The following THSD7B variants were observed in gnomAD, a reference collection of about 807,000 sequenced individuals.
THSD7B encodes the protein thrombospondin type-1 domain-containing protein 7B.
A neutral mutation model predicts 213.6 loss-of-function variants in THSD7B; 138 were observed. The observed-to-expected ratio is 0.65, with a 90% CI of 0.56 to 0.74. The LOEUF (loss-of-function observed/expected upper bound fraction) is 0.74, where lower values mean the gene tolerates loss of function less well. THSD7B is among the 30% of genes least tolerant of loss of function. The pLI is 0.00. For synonymous variants in THSD7B, 742 were observed against 687.0 expected (o/e 1.08, Z -1.25); for missense variants, 1,931 against 1,991.5 (o/e 0.97, Z 0.58).
At chr2:137,113,608 G>A (rs1378313697) in intron 4 of THSD7B, among the ~76,000 whole-genome samples, 1 of 151,914 alleles carries the variant, frequency 6.6e-6, no homozygotes, top group East Asian at 1.9e-4. Context: ...GGCTAATTTG[G>A]GATTTTTAGT....
intron 17 of THSD7B, among the ~76,000 whole-genome samples, chr2:137,607,449 T>C (rs939892765): frequency 2.6e-5 from 4 of 152,200 alleles, no homozygotes; most frequent in African/African-American, 9.7e-5. Flanking sequence ...TACAGGGATA[T>C]TTTCTAGCAT....
At chr2:137,191,282 T>A (rs181894975) in intron 7 of THSD7B, among the ~76,000 whole-genome samples, 81 of 152,362 alleles carry the variant, frequency 5.3e-4, no homozygotes, top group African/African-American at 1.9e-3. Context: ...CTCTCCATGT[T>A]AGTTTGCTAC....
intron 5 of THSD7B, among the ~76,000 whole-genome samples, chr2:137,134,869 G>A (rs528820256): frequency 1.3e-5 from 2 of 152,090 alleles, no homozygotes; most frequent in South Asian, 2.1e-4. Flanking sequence ...GTAACAATGA[G>A]AGTTTGAGAG....
intron 15 of THSD7B, among the ~76,000 whole-genome samples, chr2:137,457,023 G>A (rs1454751244): frequency 6.6e-6 from 1 of 152,110 alleles, no homozygotes; most frequent in Non-Finnish European, 1.5e-5. Flanking sequence ...TAGAGGAGAG[G>A]CAATTTTTCT....
chr2:137,092,042 C>T (rs1417504651), intron 3 of THSD7B, among the ~76,000 whole-genome samples: 1 of 152,108 alleles, frequency 6.6e-6, no homozygotes. Flanking sequence ...CCAAAATTGT[C>T]ACATTGAATT....
At chr2:137,543,219 A>G (rs187897929) in intron 15 of THSD7B, among the ~76,000 whole-genome samples, 190 of 151,950 alleles carry the variant, frequency 1.3e-3, no homozygotes, top group Non-Finnish European at 2.0e-3. Flanking sequence ...CTAAAATAAT[A>G]TAGGACAATC....
intron 25 of THSD7B, among the ~76,000 whole-genome samples, chr2:137,662,911 C>T (rs1280896833): frequency 1.3e-5 from 2 of 151,644 alleles, no homozygotes; most frequent in Non-Finnish European, 2.9e-5. Flanking sequence ...AAAAAAAAGA[C>T]AAAATTAGCC....
At chr2:137,517,019 A>G (rs1220949453) in intron 15 of THSD7B, among the ~76,000 whole-genome samples, 1 of 152,198 alleles carries the variant, frequency 6.6e-6, no homozygotes, top group Non-Finnish European at 1.5e-5. Flanking sequence ...GGTGACTCCA[A>G]TTGCAGCTGC....
chr2:136,835,683 C>T (rs1246716505), intron 1 of THSD7B, among the ~76,000 whole-genome samples: 1 of 152,062 alleles, frequency 6.6e-6, no homozygotes, highest in Non-Finnish European at 1.5e-5. Flanking sequence ...TAAAGAATAC[C>T]TAAAATAACT....
intron 12 of THSD7B, among the ~76,000 whole-genome samples, chr2:137,364,252 A>G (rs1453461836): frequency 2.6e-5 from 4 of 152,240 alleles, no homozygotes; most frequent in South Asian, 2.1e-4. Context: ...TCTCAAAATA[A>G]TAAGAGCTAT....
At chr2:137,089,880 A>T (rs1046319498) in intron 3 of THSD7B, among the ~76,000 whole-genome samples, 1 of 151,870 alleles carries the variant, frequency 6.6e-6, no homozygotes, top group East Asian at 1.9e-4. Context: ...GTGGTGGTGC[A>T]CCTGTAGTCC....
intron 12 of THSD7B, among the ~76,000 whole-genome samples, chr2:137,372,231 GGCAAGGAGTTTCA>G (rs1449456265): frequency 7.3e-5 from 11 of 151,184 alleles, no homozygotes; most frequent in Non-Finnish European, 1.5e-5. Context: ...TAGGGAAGAT[GGCAAGGAGTTTCA>G]GCATTCAGCA....
chr2:137,558,026 T>C (rs1297345512), intron 15 of THSD7B, among the ~76,000 whole-genome samples: 2 of 151,994 alleles, frequency 1.3e-5, no homozygotes, highest in Non-Finnish European at 2.9e-5. Flanking sequence ...GAAGTTGAAT[T>C]CCTCAATAGA....
intron 7 of THSD7B, among the ~76,000 whole-genome samples, chr2:137,195,661 AATAG>A (rs1292875296): frequency 6.6e-6 from 1 of 152,184 alleles, no homozygotes; most frequent in East Asian, 1.9e-4. Context: ...TGCATGAATA[AATAG>A]ATAAATAAGT....
chr2:137,011,542 C>T (rs117683137), intron 2 of THSD7B, among the ~76,000 whole-genome samples: 3 of 152,210 alleles, frequency 2.0e-5, no homozygotes, highest in East Asian at 1.9e-4. Flanking sequence ...AAATGTCCCC[C>T]GACATTGCCA....
intron 15 of THSD7B, among the ~76,000 whole-genome samples, chr2:137,512,382 CTTTTTTTTTT>C (rs70978233): frequency 2.1e-4 from 17 of 81,370 alleles, no homozygotes; most frequent in Middle Eastern, 9.1e-3. Flanking sequence ...CATTTATTTC[CTTTTTTTTTT>C]TTTTTTTTTT....
intron 2 of THSD7B, among the ~76,000 whole-genome samples, chr2:137,010,425 A>G (rs1016055732): frequency 6.6e-6 from 1 of 152,236 alleles, no homozygotes; most frequent in Non-Finnish European, 1.5e-5. Context: ...TACTAATAAA[A>G]TAACAGTAAT....
Position 137,563,496 on chromosome 2 carries a change from T to C in THSD7B, c.3272+142T>C, listed in dbSNP as rs185357762. On this transcript the variant is annotated intron_variant, in intron 16 of 27. Coordinates refer to ENST00000409968, the MANE Select transcript of THSD7B (RefSeq NM_001316349.2). ...TTTTTTCTCATCTTTGAAATATTCATTGAAATAAGTGCATCCTTACCTGCC... is the reference window on the plus strand; with the variant it reads ...TTTTTTCTCATCTTTGAAATATTCACTGAAATAAGTGCATCCTTACCTGCC... 7.8e-6 allele frequency: 9 copies of C among 1,155,066 alleles called. No individual in the cohort carries two copies. In the Admixed American group the frequency reaches 2.0e-4, roughly 26 times the overall value. 71.6% of individuals were successfully genotyped at this position (1,155,066 alleles called of 1,614,324 possible). A position where few individuals can be genotyped will look rare whatever the true frequency, so the allele number is the denominator to read the frequency against.
intron 15 of THSD7B, among the ~76,000 whole-genome samples, chr2:137,517,141 C>A (rs1325475926): frequency 6.6e-6 from 1 of 152,240 alleles, no homozygotes; most frequent in Non-Finnish European, 1.5e-5. Context: ...ATAAGGCCAA[C>A]CAGAAGCAAT....
Sources: allele counts gnomAD v4.1 joint callset (sites outside exome capture counted in the v4.1 genomes callset), GRCh38; gene constraint gnomAD v4.1.1; transcripts MANE v1.5; gene names NCBI Gene and HGNC (gene_info 2026-07-23, HGNC 2026-07-21).